CACNA1C: variants seen among roughly 807,000 people sequenced by gnomAD.
CACNA1C encodes the protein voltage-dependent L-type calcium channel subunit alpha-1C.
A neutral mutation model predicts 229.0 loss-of-function variants in CACNA1C; 30 were observed. The ratio of observed to expected loss-of-function variants is 0.13; its 90% CI spans 0.10 to 0.18. The LOEUF (loss-of-function observed/expected upper bound fraction) is 0.18, where lower values mean the gene tolerates loss of function less well. Ranked by LOEUF, CACNA1C falls within the 10% of genes least tolerant of loss-of-function variation. CACNA1C has a pLI of 1.00. For missense variants in CACNA1C, 1,658 were observed against 2,845.0 expected (o/e 0.58, Z 9.49); for synonymous variants, 1,114 against 1,132.5 (o/e 0.98, Z 0.33).
intron 13 of CACNA1C, among the ~76,000 whole-genome samples, chr12:2,568,296 C>CA (rs5796013): frequency 6.6e-6 from 1 of 151,902 alleles, no homozygotes. Context: ...CTGCTGCTGT[C>CA]AAAAAAAACT....
At position 2,678,806 on chromosome 12, in the gene CACNA1C, G is replaced by C. The variant is rs894913663; in HGVS notation, c.5092-638G>C. On this transcript the variant is annotated intron_variant, in intron 41 of 46. Coordinates refer to ENST00000399655, the MANE Select transcript of CACNA1C (RefSeq NM_000719.7). This position sits in a 1 kb window ranked among gnomAD's most constrained non-coding sequence, Gnocchi z 4.1. ...AGGCCCAGGGATGCTCTGATGTCAA[G>C]GGTTGGAACAACCGTGCAAATAGCT... 2.6e-5 allele frequency among the ~76,000 whole-genome samples: 4 copies of C among 152,208 alleles called. No individual in the cohort carries two copies. The highest frequency in any genetic ancestry group is 4.8e-5 in the African/African-American group (2 of 41,452).
chr12:2,043,245 T>A (rs1323250271), intron 1 of CACNA1C, among the ~76,000 whole-genome samples: 3 of 152,202 alleles, frequency 2.0e-5, no homozygotes, highest in Non-Finnish European at 4.4e-5. Context: ...TTCACACACA[T>A]GCGGTTGTTG....
chr12:2,463,852 G>C (rs2099532282), intron 5 of CACNA1C, among the ~76,000 whole-genome samples: 1 of 152,178 alleles, frequency 6.6e-6, no homozygotes, highest in Non-Finnish European at 1.5e-5. Context: ...TCTCTGCTGT[G>C]AGCATCCACT....
chr12:2,323,023 T>C (rs1345594830), intron 3 of CACNA1C, among the ~76,000 whole-genome samples: 2 of 152,200 alleles, frequency 1.3e-5, no homozygotes, highest in African/African-American at 4.8e-5. Context: ...TTCTTCTTTC[T>C]TGTCCTCTCC....
At chr12:2,358,076 G>A (rs1045847993) in intron 3 of CACNA1C, among the ~76,000 whole-genome samples, 1 of 151,734 alleles carries the variant, frequency 6.6e-6, no homozygotes, top group Non-Finnish European at 1.5e-5. Context: ...TTCACCATTT[G>A]AGGAAAAGTT....
At chr12:2,256,664 T>C (rs75760997) in intron 3 of CACNA1C, among the ~76,000 whole-genome samples, 8,727 of 152,110 alleles carry the variant, frequency 0.057, 332 homozygotes, top group African/African-American at 0.093. Flanking sequence ...GGTAGAGAAA[T>C]GAGGACATCG....
At chr12:2,661,052 G>A (rs886963383) in intron 34 of CACNA1C, 1 of 152,044 alleles carries the variant, frequency 6.6e-6, no homozygotes, top group Non-Finnish European at 1.5e-5. Context: ...AAGACCAGGA[G>A]TATGAGACCA....
rs1024582 is a variant in CACNA1C, at chr12:2,293,080, A to T, written c.478-155896A>T. 1.2e-4 allele frequency among the ~76,000 whole-genome samples: 19 copies of T among 152,110 alleles called. 1 individual carries two copies. In the East Asian group the frequency reaches 2.5e-3, roughly 20 times the overall value. ...GTGTATTATTTGGTTGTTCACGGGG[A>T]ATCTTGTAAAATCTGAGGCCTTAGT... On this transcript the variant is annotated intron_variant, in intron 3 of 46. Transcript: ENST00000399655.
Position 2,458,972 on chromosome 12 carries a change from T to C in CACNA1C, c.757+1266T>C, listed in dbSNP as rs563942965. Among the ~76,000 whole-genome samples the C allele has an allele frequency of 3.2e-3, 456 of 141,082 alleles. 2 individuals are homozygous for C. The highest frequency in any genetic ancestry group is 0.011 in the African/African-American group (436 of 39,300). 92.6% of individuals were successfully genotyped at this position (141,082 alleles called of 152,430 possible). On this transcript the variant is annotated intron_variant, in intron 5 of 46. Transcript: ENST00000399655. ...TATCTCTCTTGATTGTCTTGGATTC[T>C]TTTTCTTTCTTTTTTTTTTTTTTTT...
Position 2,504,756 on chromosome 12 carries a change from G to T in CACNA1C, c.1114-86G>T. 1 of 859,604 alleles carries T rather than the reference G, an allele frequency of 1.2e-6. No homozygotes were observed. The allele number at this position is 859,604 out of a possible 1,614,324, so 53.2% of individuals were successfully genotyped here. On this transcript the variant is annotated intron_variant, in intron 7 of 46. Coordinates refer to ENST00000399655, the MANE Select transcript of CACNA1C (RefSeq NM_000719.7). The surrounding 1 kb of genome is among the most constrained non-coding windows in gnomAD (Gnocchi z 6.8). ...GGGTCCCCGGATCCTGGCGCTGCGT[G>T]GGTCAGTGTCTCGGGAGCCGGGGAC...
At chr12:2,658,749 G>T (rs937891438) in intron 34 of CACNA1C, among the ~76,000 whole-genome samples, 1 of 151,946 alleles carries the variant, frequency 6.6e-6, no homozygotes, top group African/African-American at 2.4e-5. Flanking sequence ...AAGACCTTCC[G>T]ATAGGACAAG....
At chr12:2,535,930 G>A (rs558939188) in intron 9 of CACNA1C, among the ~76,000 whole-genome samples, 2 of 152,328 alleles carry the variant, frequency 1.3e-5, no homozygotes, top group South Asian at 2.1e-4. Context: ...ATGAAATTAT[G>A]GGGCTGAAGA....
At chr12:2,315,662 G>C (rs1488209253) in intron 3 of CACNA1C, among the ~76,000 whole-genome samples, 2 of 152,196 alleles carry the variant, frequency 1.3e-5, no homozygotes, top group African/African-American at 4.8e-5. Flanking sequence ...AAGGGCTTGG[G>C]GGAAGGGGTG....
At chr12:2,246,401 C>A (rs2073235648) in intron 3 of CACNA1C, among the ~76,000 whole-genome samples, 1 of 152,110 alleles carries the variant, frequency 6.6e-6, no homozygotes, top group South Asian at 2.1e-4. Flanking sequence ...GATGGTGGCT[C>A]CCGGAGTGAA....
intron 1 of CACNA1C, among the ~76,000 whole-genome samples, chr12:2,009,683 A>C (rs1264286227): frequency 1.3e-5 from 2 of 152,230 alleles, no homozygotes; most frequent in Middle Eastern, 3.2e-3. Context: ...GGATGATAGA[A>C]GTGAACAATT....
At chr12:2,058,178 G>A (rs1315974700) in intron 1 of CACNA1C, among the ~76,000 whole-genome samples, 1 of 151,684 alleles carries the variant, frequency 6.6e-6, no homozygotes, top group African/African-American at 2.4e-5. Context: ...GAAGCCCTTG[G>A]CACTGTGCTA....
chr12:2,414,200 A>G (rs1449069338), intron 3 of CACNA1C, among the ~76,000 whole-genome samples: 1 of 152,108 alleles, frequency 6.6e-6, no homozygotes, highest in Non-Finnish European at 1.5e-5. Context: ...GTGTCACTTG[A>G]TTTACTGTCT....
chr12:2,463,994 A>G (rs757075273), intron 5 of CACNA1C, among the ~76,000 whole-genome samples: 4 of 152,158 alleles, frequency 2.6e-5, no homozygotes, highest in Non-Finnish European at 5.9e-5. Context: ...ATATGCAAGG[A>G]GTACATTTGC....
intron 3 of CACNA1C, among the ~76,000 whole-genome samples, chr12:2,441,452 TTTTGTTATAAAGTCTC>T (rs1342237055): frequency 6.6e-6 from 1 of 152,186 alleles, no homozygotes; most frequent in Non-Finnish European, 1.5e-5. Context: ...ATGGAGGGTG[TTTTGTTATAAAGTCTC>T]TTTGTATTCA....
Sources: allele counts gnomAD v4.1 joint callset (sites outside exome capture counted in the v4.1 genomes callset), GRCh38; gene constraint gnomAD v4.1.1; non-coding constraint Gnocchi (gnomAD v3.1); transcripts MANE v1.5; gene names NCBI Gene and HGNC (gene_info 2026-07-23, HGNC 2026-07-21).